The following ATP13A1 variants were observed in gnomAD, a reference collection of about 807,000 sequenced individuals.
The protein encoded by ATP13A1 is ATPase 13A1.
A neutral mutation model predicts 134.8 loss-of-function variants in ATP13A1; 55 were observed. The observed-to-expected ratio is 0.41, with a 90% CI of 0.33 to 0.51. ATP13A1 has a LOEUF of 0.51. Ranked by LOEUF, ATP13A1 falls within the 20% of genes least tolerant of loss-of-function variation. The pLI is 0.29. For missense variants in ATP13A1, 1,389 were observed against 1,652.8 expected, an observed-to-expected ratio of 0.84 and a Z score of 2.77; for synonymous variants, 775 against 725.1, an observed-to-expected ratio of 1.07 and a Z score of -1.10.
rs780873055 is a variant in ATP13A1, at chr19:19,645,581, A to G, written c.3505-49T>C. On this transcript the variant is annotated intron_variant, in intron 25 of 25. Transcript: ENST00000357324. This position sits in a 1 kb window ranked among gnomAD's most constrained non-coding sequence, Gnocchi z 4.1. ...GAGCTGGAGACCTGCAGCCCAGCTC[A>G]GGGTCACTGCCATAGGAGGGACCCA... is the stretch of plus-strand genomic sequence containing the variant. 25 of 1,563,320 alleles carry G rather than the reference A, an allele frequency of 1.6e-5. No homozygotes were observed. The African/African-American group carries it at 3.4e-4, about 21-fold the overall frequency.
At chr19:19,657,836 CTA>C (rs1470510232) in intron 3 of ATP13A1, among the ~76,000 whole-genome samples, 4 of 152,092 alleles carry the variant, frequency 2.6e-5, no homozygotes, top group Non-Finnish European at 5.9e-5. Flanking sequence ...CTGAGATTTT[CTA>C]TGATTCCTGA....
Position 19,647,639 on chromosome 19 carries a change from G to A in ATP13A1, c.2753C>T (p.Ser918Leu), listed in dbSNP as rs371931595. 4.1e-5 allele frequency: 66 copies of A among 1,613,204 alleles called. No homozygotes were observed. The highest frequency in any genetic ancestry group is 4.0e-4 in the African/African-American group (30 of 75,016). ...RATSRTAKQR[S>L]GLPPSEEQPT... is the part of the protein sequence containing the mutation. ...CTGCTCCTCGGAGGGAGGGAGCCCCGACCGCTGCTTGGCTGTCCTGGAGGT... is the reference window on the plus strand; with the variant it reads ...CTGCTCCTCGGAGGGAGGGAGCCCCAACCGCTGCTTGGCTGTCCTGGAGGT... The change falls in exon 20 of 26, where the codon TCG (serine) becomes TTG (leucine). Residue 918 changes from serine to leucine, a missense_variant. Coordinates refer to ENST00000357324, the MANE Select transcript of ATP13A1 (RefSeq NM_020410.3). This position sits in a 1 kb window ranked among gnomAD's most constrained non-coding sequence, Gnocchi z 4.8.
Position 19,654,708 on chromosome 19 carries a change from G to T in ATP13A1, c.1656-8C>A. 1 of 1,607,838 alleles carries T rather than the reference G, an allele frequency of 6.2e-7. No individual in the cohort carries two copies. The highest frequency in any genetic ancestry group is 8.5e-7 in the Non-Finnish European group (1 of 1,177,440). On this transcript the variant is annotated splice_polypyrimidine_tract_variant and splice_region_variant and intron_variant, in intron 12 of 25. Transcript: ENST00000357324. Reference sequence around the variant, plus strand: ...GTCACCTCCTTCCCGTCTCTGCAAGGTCGGGGAACAGCTGGTTACAGAGTG... The same window carrying T: ...GTCACCTCCTTCCCGTCTCTGCAAGTTCGGGGAACAGCTGGTTACAGAGTG...
At position 19,657,167 on chromosome 19, in the gene ATP13A1, GTC is replaced by G; in HGVS notation, c.751-20_751-19del. The stretch of plus-strand genomic sequence containing the variant: ...CAGAACACCTGTGGGATACCAGCCT[GTC>G]TGTCCTTGCCCTACCCGCCCTGTTC... On this transcript the variant is annotated intron_variant, in intron 4 of 25. Coordinates refer to ENST00000357324, the MANE Select transcript of ATP13A1 (RefSeq NM_020410.3). 1 of 1,499,030 alleles carries G rather than the reference GTC, an allele frequency of 6.7e-7. No homozygotes were observed. 92.9% of individuals were successfully genotyped at this position (1,499,030 alleles called of 1,614,324 possible). A position where few individuals can be genotyped will look rare whatever the true frequency, so the allele number is the denominator to read the frequency against.
rs2062060043 is a variant in ATP13A1, at chr19:19,656,602, C to T, written c.1083+58G>A. On this transcript the variant is annotated intron_variant, in intron 7 of 25. Transcript: ENST00000357324. This position sits in a 1 kb window ranked among gnomAD's most constrained non-coding sequence, Gnocchi z 4.6. ...GGATCCCCGCCACCCCCTGGGCCTCCACCTCCTGGCCTGTTTCCTCCTGAA... is the reference window on the plus strand; with the variant it reads ...GGATCCCCGCCACCCCCTGGGCCTCTACCTCCTGGCCTGTTTCCTCCTGAA... The T allele has an allele frequency of 1.3e-6, 2 of 1,555,828 alleles. No individual in the cohort carries two copies. The highest frequency in any genetic ancestry group is 1.9e-5 in the Admixed American group (1 of 53,632).
Position 19,654,682 on chromosome 19 carries a change from G to A in ATP13A1, c.1674C>T (p.Thr558=). The change falls in exon 13 of 26, where the codon ACC becomes ACT. Residue 558 remains threonine (T), a synonymous_variant. Transcript: ENST00000357324. ...TTTCTACAGGGATGCTGGACACTGG[G>A]GTCACCTCCTTCCCGTCTCTGCAAG... ...VAGLRDGKEV[T]PVSSIPVETH... is the part of the protein sequence containing the mutation. 6.2e-7 allele frequency: 1 copy of A among 1,612,770 alleles called. No homozygotes were observed. Among genetic ancestry groups the A allele is most frequent in the South Asian group, 1.1e-5 (1 of 91,078 alleles).
At chr19:19,649,719 AC>A (rs2062011813) in intron 18 of ATP13A1, 21 bp downstream of exon 18, 3 of 1,612,384 alleles carry the variant, frequency 1.9e-6, no homozygotes, top group Admixed American at 3.3e-5. Context: ...TGTGCCCCTG[AC>A]CCCTAGGGCT....
Position 19,645,515 on chromosome 19 carries a change from G to A in ATP13A1, c.3522C>T (p.Ala1174=), listed in dbSNP as rs1276580872. The change falls in exon 26 of 26, where the codon GCC becomes GCT. Residue 1174 remains alanine (A), a synonymous_variant. Transcript: ENST00000357324. This position sits in a 1 kb window ranked among gnomAD's most constrained non-coding sequence, Gnocchi z 4.1. The part of the protein sequence containing the change: ...DIPVEFKLVI[A]QVLLLDFCLA... ...GGCAGAAGTCCAGGAGCAGGACCTG[G>A]GCAATGACCAGCTTGAACTGTCGGG... 6.2e-6 allele frequency: 10 copies of A among 1,604,052 alleles called. No homozygotes were observed. Among genetic ancestry groups the A allele is most frequent in the Non-Finnish European group, 7.7e-6 (9 of 1,175,584 alleles).
rs769085286 is a variant in ATP13A1 at position 19,656,792 on chromosome 19, G to A, written c.977-26C>T. 2.5e-5 allele frequency: 41 copies of A among 1,612,550 alleles called. No homozygotes were observed. The highest frequency in any genetic ancestry group is 3.3e-5 in the Non-Finnish European group (39 of 1,179,482). On this transcript the variant is annotated intron_variant, in intron 6 of 25. Transcript: ENST00000357324. The surrounding 1 kb of genome is among the most constrained non-coding windows in gnomAD (Gnocchi z 4.6). ...CTGCAGGGCAGAGGCAGGAGGGTTGGCCAGAGGCCCTGAGGCTGGGGCTCC... is the reference window on the plus strand; with the variant it reads ...CTGCAGGGCAGAGGCAGGAGGGTTGACCAGAGGCCCTGAGGCTGGGGCTCC...
At position 19,663,639 on chromosome 19, in the gene ATP13A1, C is replaced by T. The variant is rs115355442; in HGVS notation, c.28G>A (p.Ala10Thr). The T allele has an allele frequency of 1.2e-3, 1,619 of 1,306,034 alleles. 14 individuals carry two copies. In the African/African-American group the frequency reaches 0.023, roughly 19 times the overall value. The allele number at this position is 1,306,034 out of a possible 1,614,324, so 80.9% of individuals were successfully genotyped here. A position where few individuals can be genotyped will look rare whatever the true frequency, so the allele number is the denominator to read the frequency against. MAAAAAVGN[A>T]VPCGARPCGV... ...CAAGGCCGGGCCCCGCAGGGCACCG[C>T]GTTGCCCACCGCCGCCGCTGCCGCC... The change falls in exon 1 of 26, where the codon GCG becomes ACG. Residue 10 changes from alanine to threonine, a missense_variant. Transcript: ENST00000357324.
In ATP13A1 at chr19:19,647,783, C is replaced by T; in HGVS notation, c.2633-24G>A. The T allele has an allele frequency of 6.4e-7, 1 of 1,571,154 alleles. No homozygotes were observed. Among genetic ancestry groups the T allele is most frequent in the Non-Finnish European group, 8.6e-7 (1 of 1,164,856 alleles). On this transcript the variant is annotated intron_variant, in intron 19 of 25. Coordinates refer to ENST00000357324, the MANE Select transcript of ATP13A1 (RefSeq NM_020410.3). This position sits in a 1 kb window ranked among gnomAD's most constrained non-coding sequence, Gnocchi z 4.8. ...ACCTGGGGGGCAGGAGGGTGTCAGA[C>T]CCGGAGGAGCAGGCTCCACGGAGGG...
chr19:19,661,995 C>T, intron 1 of ATP13A1: 1 of 1,535,304 alleles, frequency 6.5e-7, no homozygotes, highest in East Asian at 2.4e-5. Flanking sequence ...AGTTACGGTT[C>T]TCAGTTTACA....
Position 19,654,548 on chromosome 19 carries a change from G to T in ATP13A1, c.1808C>A (p.Thr603Asn), listed in dbSNP as rs1437024245. 1.2e-6 allele frequency: 2 copies of T among 1,606,758 alleles called. No homozygotes were observed. The highest frequency in any genetic ancestry group is 1.7e-6 in the Non-Finnish European group (2 of 1,177,188). ...AMLTAVDWTL[T>N]KDEKVFPRSI... Reference sequence around the variant, plus strand: ...CTGAGGCCCCAGCCCCTCACCTTTGGTCAGCGTCCAGTCCACGGCCGTCAG... The same window carrying T: ...CTGAGGCCCCAGCCCCTCACCTTTGTTCAGCGTCCAGTCCACGGCCGTCAG... Residue 603 changes from threonine (T) to asparagine (N), a missense_variant, in exon 13 of 26, where the codon ACC (threonine) becomes AAC (asparagine). Thr to Asn is a moderately conservative substitution (Grantham distance 65). Transcript: ENST00000357324.
At position 19,645,411 on chromosome 19, in the gene ATP13A1, G is replaced by A. The variant is rs980475606; in HGVS notation, c.*11C>T. 3.8e-6 allele frequency: 6 copies of A among 1,586,860 alleles called. No individual in the cohort carries two copies. Among genetic ancestry groups the A allele is most frequent in the Non-Finnish European group, 4.3e-6 (5 of 1,168,088 alleles). On this transcript the variant is annotated 3_prime_UTR_variant, in exon 26 of 26. Coordinates refer to ENST00000357324, the MANE Select transcript of ATP13A1 (RefSeq NM_020410.3). This position sits in a 1 kb window ranked among gnomAD's most constrained non-coding sequence, Gnocchi z 4.1. Reference sequence around the variant, plus strand: ...CAGCCAGGGTGGGCAGTGGGTACCAGCACTGCCATCTCAGGAAGGCACTTT... The same window carrying A: ...CAGCCAGGGTGGGCAGTGGGTACCAACACTGCCATCTCAGGAAGGCACTTT...
chr19:19,656,262 C>A lies in ATP13A1; in HGVS notation c.1084-79G>T. ...CATCTGAGTTCCTGGACAGCTGGAC[C>A]TTGAGGCTGGAATGAGCCAGGGGGA... On this transcript the variant is annotated intron_variant, in intron 7 of 25. Transcript: ENST00000357324. The surrounding 1 kb of genome is among the most constrained non-coding windows in gnomAD (Gnocchi z 4.6). 1.3e-6 allele frequency: 2 copies of A among 1,526,942 alleles called. No homozygotes were observed. Among genetic ancestry groups the A allele is most frequent in the Non-Finnish European group, 8.8e-7 (1 of 1,138,102 alleles). 94.6% of individuals were successfully genotyped at this position (1,526,942 alleles called of 1,614,324 possible). A position where few individuals can be genotyped will look rare whatever the true frequency, so the allele number is the denominator to read the frequency against.
chr19:19,653,344 T>C lies in ATP13A1; in HGVS notation c.2100+440A>G. 4.4e-6 allele frequency: 1 copy of C among 225,928 alleles called. No homozygotes were observed. Among genetic ancestry groups the C allele is most frequent in the Non-Finnish European group, 8.9e-6 (1 of 112,650 alleles). 14.0% of individuals were successfully genotyped at this position (225,928 alleles called of 1,614,324 possible). On this transcript the variant is annotated intron_variant, in intron 15 of 25. Transcript: ENST00000357324. This position sits in a 1 kb window ranked among gnomAD's most constrained non-coding sequence, Gnocchi z 4.2. ...GTGGCCTGGGCTCTGCACACAGTAC[T>C]GCAACCTGAGGCTAAATTCTGGAAG...
rs2062027835 is a variant in ATP13A1, at chr19:19,652,046, G to A, written c.2227-249C>T. Among the ~76,000 whole-genome samples, 3 of 151,992 alleles carry A rather than the reference G, an allele frequency of 2.0e-5. No homozygotes were observed. In the East Asian group the frequency reaches 5.8e-4, roughly 29 times the overall value. On this transcript the variant is annotated intron_variant, in intron 16 of 25. Coordinates refer to ENST00000357324, the MANE Select transcript of ATP13A1 (RefSeq NM_020410.3). ...GATTTGCAATACAAATGAACAACCT[G>A]CCCCTGAGGTGGACCCTTTTGGCTT...
Position 19,652,085 on chromosome 19 carries a change from G to A in ATP13A1, c.2227-288C>T, listed in dbSNP as rs138313474. 1.1e-4 allele frequency among the ~76,000 whole-genome samples: 17 copies of A among 152,220 alleles called. 1 individual carries two copies. Among genetic ancestry groups the A allele is most frequent in the African/African-American group, 4.1e-4 (17 of 41,524 alleles). On this transcript the variant is annotated intron_variant, in intron 16 of 25. Coordinates refer to ENST00000357324, the MANE Select transcript of ATP13A1 (RefSeq NM_020410.3). ...CCCTTTTGGCTTGGTAGCTGCCCATGGGGGTAATATTTCAGCAAAGAGGAG... is the reference window on the plus strand; with the variant it reads ...CCCTTTTGGCTTGGTAGCTGCCCATAGGGGTAATATTTCAGCAAAGAGGAG...
intron 1 of ATP13A1, among the ~76,000 whole-genome samples, chr19:19,661,231 C>T (rs1298959718): frequency 2.6e-5 from 4 of 152,278 alleles, no homozygotes; most frequent in East Asian, 3.9e-4. Flanking sequence ...ATAGGAAGAA[C>T]GCTGCCAGGC....
Sources: gnomAD v4.1 joint callset for allele counts (sites outside exome capture counted in the v4.1 genomes callset) on GRCh38, gnomAD v4.1.1 for gene constraint, Gnocchi (gnomAD v3.1) non-coding constraint, MANE v1.5 for transcripts, NCBI Gene and HGNC (gene_info 2026-07-23, HGNC 2026-07-21) for gene names.